NCAM1: variants seen among roughly 807,000 people sequenced by gnomAD.
NCAM1 encodes the protein antigen recognized by monoclonal antibody 5.1H11.
In NCAM1, 14 loss-of-function variants were observed where a neutral mutation model predicts 109.8. That is an observed-to-expected ratio of 0.13 (90% CI 0.08 to 0.20). The LOEUF is 0.20. NCAM1 is among the 10% of genes least tolerant of loss of function. NCAM1 has a pLI of 1.00. For missense variants in NCAM1, 774 were observed against 1,109.9 expected (o/e 0.70, Z 4.30); for synonymous variants, 418 against 442.9 (o/e 0.94, Z 0.70).
intron 1 of NCAM1, among the ~76,000 whole-genome samples, chr11:113,011,931 T>C (rs1565381173): frequency 2.6e-5 from 4 of 151,900 alleles, no homozygotes; most frequent in Admixed American, 6.6e-5. Flanking sequence ...CTTTCCTTCT[T>C]TCCTTCTCTC....
intron 1 of NCAM1, among the ~76,000 whole-genome samples, chr11:113,007,178 A>G (rs1458053696): frequency 6.6e-6 from 1 of 152,040 alleles, no homozygotes; most frequent in Non-Finnish European, 1.5e-5. Flanking sequence ...GGAATGTAAG[A>G]TCTGTCTGTA....
chr11:113,005,131 C>G (rs1411992865), intron 1 of NCAM1, among the ~76,000 whole-genome samples: 4 of 151,212 alleles, frequency 2.6e-5, no homozygotes, highest in African/African-American at 9.7e-5. Flanking sequence ...TCACTTTTTT[C>G]TTCTCCCTAG....
chr11:113,190,561 T>G (rs1448433164), intron 1 of NCAM1, among the ~76,000 whole-genome samples: 1 of 152,200 alleles, frequency 6.6e-6, no homozygotes, highest in Non-Finnish European at 1.5e-5. Context: ...TAAGCCATGG[T>G]CATGATGACG....
At chr11:113,250,934 A>G (rs1373055109) in intron 15 of NCAM1, among the ~76,000 whole-genome samples, 2 of 152,016 alleles carry the variant, frequency 1.3e-5, no homozygotes, top group African/African-American at 4.8e-5. Flanking sequence ...CGTAGCTGGG[A>G]TTACAGACGC....
Position 113,193,567 on chromosome 11 carries a change from C to T in NCAM1, c.53-8812C>T, listed in dbSNP as rs868914857. Among the ~76,000 whole-genome samples, 3 of 151,936 alleles carry T rather than the reference C, an allele frequency of 2.0e-5. No individual in the cohort carries two copies. In the Middle Eastern group the frequency reaches 0.01, roughly 517 times the overall value. On this transcript the variant is annotated intron_variant, in intron 1 of 19. Coordinates refer to ENST00000316851, the MANE Select transcript of NCAM1 (RefSeq NM_181351.5). ...ACTTGGGAGGATGAGGTGGGAGAATCGCTTGAACCTGGGAGGCAGAGGTTG... is the reference window on the plus strand; with the variant it reads ...ACTTGGGAGGATGAGGTGGGAGAATTGCTTGAACCTGGGAGGCAGAGGTTG...
At position 113,138,710 on chromosome 11, in the gene NCAM1, G is replaced by A. The variant is rs75063192; in HGVS notation, c.53-63669G>A. On this transcript the variant is annotated intron_variant, in intron 1 of 19. Transcript: ENST00000316851. ...ATTTTAATCTTGCTGATTGTACAAC[G>A]GTGATAAAAAATGACCTGCTTTCTT... is the stretch of plus-strand genomic sequence containing the variant. Among the ~76,000 whole-genome samples, 19 of 152,184 alleles carry A rather than the reference G, an allele frequency of 1.2e-4. 1 individual carries two copies. In the East Asian group the frequency reaches 3.1e-3, roughly 25 times the overall value.
chr11:113,167,933 A>G (rs1942861277), intron 1 of NCAM1, among the ~76,000 whole-genome samples: 1 of 152,138 alleles, frequency 6.6e-6, no homozygotes, highest in Non-Finnish European at 1.5e-5. Context: ...TCTCTCCCCA[A>G]AAAGTTGATC....
chr11:113,162,192 G>A (rs1340721017), intron 1 of NCAM1, among the ~76,000 whole-genome samples: 1 of 152,198 alleles, frequency 6.6e-6, no homozygotes, highest in African/African-American at 2.4e-5. Flanking sequence ...AACAAGGCCA[G>A]GGGCCTACTG....
chr11:113,037,428 A>G (rs1189214998), intron 1 of NCAM1, among the ~76,000 whole-genome samples: 2 of 152,070 alleles, frequency 1.3e-5, no homozygotes, highest in Non-Finnish European at 2.9e-5. Context: ...CGTCTCCTTG[A>G]TAACAGTAAT....
At chr11:113,213,860 A>T (rs782685449) in intron 7 of NCAM1, among the ~76,000 whole-genome samples, 10 of 152,170 alleles carry the variant, frequency 6.6e-5, no homozygotes, top group Non-Finnish European at 1.5e-5. Context: ...CCCTGACTAA[A>T]TGCTGTCTGT....
chr11:113,232,064 G>A (rs1945026983), intron 10 of NCAM1, 106 bp from the exon 11 acceptor site: 9 of 1,166,788 alleles, frequency 7.7e-6, no homozygotes, highest in South Asian at 3.2e-5. Context: ...TATACCAGGC[G>A]CTGGCTCTGC....
intron 1 of NCAM1, among the ~76,000 whole-genome samples, chr11:113,150,659 G>T (rs1010451147): frequency 1.3e-5 from 2 of 152,178 alleles, no homozygotes; most frequent in African/African-American, 4.8e-5. Flanking sequence ...GTTCATAAAA[G>T]GTGGAGTATC....
At chr11:113,179,740 G>T (rs1470524569) in intron 1 of NCAM1, among the ~76,000 whole-genome samples, 1 of 152,200 alleles carries the variant, frequency 6.6e-6, no homozygotes, top group African/African-American at 2.4e-5. Flanking sequence ...GCAAACACAT[G>T]GAAATTGCTA....
intron 1 of NCAM1, among the ~76,000 whole-genome samples, chr11:113,181,410 TAAGA>T (rs1402833841): frequency 2.0e-5 from 3 of 152,166 alleles, no homozygotes; most frequent in African/African-American, 7.2e-5. Flanking sequence ...AGACTTTTCT[TAAGA>T]AAGGGGTTTA....
intron 13 of NCAM1, 137 bp from the exon 14 acceptor site, chr11:113,234,896 A>G (rs1273717929): frequency 6.0e-6 from 7 of 1,171,944 alleles, no homozygotes; most frequent in African/African-American, 1.6e-5. Context: ...AATTCTATGC[A>G]TATGCCCAGA....
chr11:113,253,226 C>T (rs1016500101), intron 15 of NCAM1, among the ~76,000 whole-genome samples: 2 of 152,016 alleles, frequency 1.3e-5, no homozygotes, highest in African/African-American at 4.8e-5. Flanking sequence ...TTTGAAGAGA[C>T]TTGGGGGTCT....
chr11:113,051,297 A>G lies in NCAM1; in HGVS notation c.52+89633A>G, dbSNP rs558381860. Among the ~76,000 whole-genome samples, 5 of 152,334 alleles carry G rather than the reference A, an allele frequency of 3.3e-5. No homozygotes were observed. In the South Asian group the frequency reaches 1.0e-3, roughly 32 times the overall value. On this transcript the variant is annotated intron_variant, in intron 1 of 19. Coordinates refer to ENST00000316851, the MANE Select transcript of NCAM1 (RefSeq NM_181351.5). Reference sequence around the variant, plus strand: ...GATATTAATGCAAATAGTGACTTAAATTCTTTCCCCTTTTGGTGGGAGAGT... The same window carrying G: ...GATATTAATGCAAATAGTGACTTAAGTTCTTTCCCCTTTTGGTGGGAGAGT...
intron 7 of NCAM1, among the ~76,000 whole-genome samples, chr11:113,211,614 G>A (rs1286106301): frequency 3.3e-5 from 5 of 152,168 alleles, no homozygotes; most frequent in Non-Finnish European, 7.3e-5. Flanking sequence ...TGCTCTTGAG[G>A]TCTCATGCTG....
intron 1 of NCAM1, among the ~76,000 whole-genome samples, chr11:113,200,356 C>G (rs1555111629): frequency 6.6e-6 from 1 of 152,190 alleles, no homozygotes; most frequent in Non-Finnish European, 1.5e-5. Flanking sequence ...CTGCAGCTCT[C>G]TTTGTAAGGC....
Sources: gnomAD v4.1 joint callset for allele counts (sites outside exome capture counted in the v4.1 genomes callset) on GRCh38, gnomAD v4.1.1 for gene constraint, MANE v1.5 for transcripts, NCBI Gene and HGNC (gene_info 2026-07-23, HGNC 2026-07-21) for gene names.